Variants in MYH7B observed in about 807,000 individuals in gnomAD.
The protein encoded by MYH7B is myosin heavy chain 7B, also known as myosin-7B.
A neutral mutation model predicts 234.5 loss-of-function variants in MYH7B; 205 were observed. That is an observed-to-expected ratio of 0.87 (90% CI 0.78 to 0.98). MYH7B has a LOEUF of 0.98. Among genes scored for constraint, MYH7B ranks in the 50% least tolerant of loss-of-function variants. The pLI is 0.00. For missense variants in MYH7B, 2,652 were observed against 2,633.4 expected, an observed-to-expected ratio of 1.01 and a Z score of -0.15; for synonymous variants, 1,193 against 1,105.0, an observed-to-expected ratio of 1.08 and a Z score of -1.58.
intron 17 of MYH7B, 23 bp downstream of exon 17, chr20:34,987,698 C>G: frequency 1.2e-6 from 2 of 1,612,016 alleles, no homozygotes; most frequent in Non-Finnish European, 1.7e-6. Flanking sequence ...CAGGCCAAAC[C>G]CATGGGGGAC....
chr20:34,978,071 G>A lies in MYH7B; in HGVS notation c.66G>A (p.Thr22=), dbSNP rs192594274. 7.3e-5 allele frequency: 118 copies of A among 1,614,092 alleles called. No individual in the cohort carries two copies. The African/African-American group carries it at 8.4e-4, about 11-fold the overall frequency. The change falls in exon 5 of 45, where the codon ACG becomes ACA. Residue 22 remains threonine, a synonymous_variant. Transcript: ENST00000262873. ...TCCGCCAGGGCTACCAGGAGATGAC[G>A]AAGGTGCACACTATCCCATGGGACG...
chr20:34,996,771 G>A lies in MYH7B; in HGVS notation c.3266+13G>A, dbSNP rs751905425. 1.1e-5 allele frequency: 18 copies of A among 1,605,318 alleles called. No homozygotes were observed. The highest frequency in any genetic ancestry group is 1.4e-5 in the Non-Finnish European group (16 of 1,176,744). On this transcript the variant is annotated intron_variant, in intron 30 of 44. Coordinates refer to ENST00000262873, the Ensembl canonical transcript of MYH7B. The stretch of plus-strand genomic sequence containing the variant: ...AGAAGCTCAAGAAGTAGGTGTGGTG[G>A]GGCAGCAGGTGGGGGCCTTCTGAGC...
intron 37 of MYH7B, 29 bp from the exon 38 acceptor site, chr20:34,999,760 CCA>C (rs200141778): frequency 0.093 from 99,055 of 1,066,268 alleles, 433 homozygotes; most frequent in Middle Eastern, 0.12. Flanking sequence ...TCCCCCCCCC[CCA>C]CCCTACCCTG....
exon 20 of MYH7B, chr20:34,989,859 T>G (rs771366467): frequency 1.9e-6 from 3 of 1,614,126 alleles, no homozygotes; most frequent in Non-Finnish European, 2.5e-6. Flanking sequence ...TCCAGCAGCC[T>G]CGGCCTGACA....
chr20:34,975,600 C>T, intron 3 of MYH7B, 101 bp downstream of exon 3: 1 of 658,842 alleles, frequency 1.5e-6, no homozygotes, highest in Non-Finnish European at 2.8e-6. Flanking sequence ...AGACTGAAAA[C>T]AATCGAAATG....
chr20:34,958,116 G>A (rs1361862841), exon 2 of MYH7B, among the ~76,000 whole-genome samples: 2 of 152,192 alleles, frequency 1.3e-5, no homozygotes, highest in African/African-American at 4.8e-5. Context: ...CTTCCAAGAC[G>A]GGTGCCAAGT....
rs371405983 is a variant in MYH7B, at chr20:34,998,384, C to T, written c.3837C>T (p.Asp1279=). 58 of 1,613,386 alleles carry T rather than the reference C, an allele frequency of 3.6e-5. No homozygotes were observed. Among genetic ancestry groups the T allele is most frequent in the South Asian group, 7.7e-5 (7 of 91,070 alleles). The change falls in exon 33 of 45, where the codon GAC becomes GAT. Residue 1279 remains aspartate, a synonymous_variant. Transcript: ENST00000262873. ...AGGAGCTGCAGCGGCAGCTGGCGGA[C>T]GCAAGCACGCAGCGTGGGCGACTAC...
rs150947430 is a variant in MYH7B at position 34,963,933 on chromosome 20, G to A, written c.-222+5721G>A. On this transcript the variant is annotated intron_variant, in intron 2 of 44. Transcript: ENST00000262873. ...TTTATCCATGTTTTAAGGGGAAATAGTTCATTCATTTTCACTGCTCTATAG... is the reference window on the plus strand; with the variant it reads ...TTTATCCATGTTTTAAGGGGAAATAATTCATTCATTTTCACTGCTCTATAG... Among the ~76,000 whole-genome samples the A allele has an allele frequency of 1.7e-4, 26 of 152,288 alleles. No homozygotes were observed. In the East Asian group the frequency reaches 4.8e-3, roughly 28 times the overall value.
intron 30 of MYH7B, 44 bp from the exon 31 acceptor site, chr20:34,997,039 T>C (rs1220611941): frequency 6.8e-7 from 1 of 1,470,254 alleles, no homozygotes; most frequent in Non-Finnish European, 9.0e-7. Context: ...GGCGGGTGGG[T>C]GGGAGTTAAG....
exon 26 of MYH7B, chr20:34,993,384 G>A (rs1253178720): frequency 6.2e-7 from 1 of 1,613,772 alleles, no homozygotes; most frequent in Admixed American, 1.7e-5. Context: ...TCCGTGACCA[G>A]CGCCTGGCCA....
intron 2 of MYH7B, among the ~76,000 whole-genome samples, chr20:34,972,707 G>A (rs1041506641): frequency 6.6e-6 from 1 of 152,140 alleles, no homozygotes; most frequent in Non-Finnish European, 1.5e-5. Flanking sequence ...TCAGCTCACT[G>A]CAGTCTTGAA....
At chr20:34,984,597 C>T (rs1292168739) in intron 10 of MYH7B, 95 bp from the exon 11 acceptor site, 1 of 1,148,620 alleles carries the variant, frequency 8.7e-7, no homozygotes, top group South Asian at 1.3e-5. Context: ...ACCCCCCTGT[C>T]CTGCTGCCCG....
chr20:34,995,462 C>T (rs769306596), exon 28 of MYH7B: 1 of 1,613,844 alleles, frequency 6.2e-7, no homozygotes, highest in South Asian at 1.1e-5. Context: ...GAACGCTGAC[C>T]TGGCCGCCCG....
chr20:34,980,980 G>A (rs1437616783), intron 8 of MYH7B, 53 bp from the exon 9 acceptor site: 5 of 1,612,822 alleles, frequency 3.1e-6, no homozygotes, highest in Admixed American at 3.3e-5. Context: ...TGTTCCACCT[G>A]TGGCTGGCCC....
Position 34,993,097 on chromosome 20 carries a change from C to T in MYH7B, c.2184-5C>T. 6.2e-7 allele frequency: 1 copy of T among 1,610,828 alleles called. No homozygotes were observed. Among genetic ancestry groups the T allele is most frequent in the Non-Finnish European group, 8.5e-7 (1 of 1,177,678 alleles). On this transcript the variant is annotated splice_polypyrimidine_tract_variant and splice_region_variant and intron_variant, in intron 24 of 44. Transcript: ENST00000262873. ...CTCCTGACCAGCTCTGCCCTCCTTTCCCAGGTACCGTATCCTGAACCCCAG... is the reference window on the plus strand; with the variant it reads ...CTCCTGACCAGCTCTGCCCTCCTTTTCCAGGTACCGTATCCTGAACCCCAG...
At chr20:34,990,951 G>A (rs904308873) in intron 23 of MYH7B, 53 bp from the exon 24 acceptor site, 2 of 1,570,156 alleles carry the variant, frequency 1.3e-6, no homozygotes, top group Admixed American at 3.4e-5. Context: ...CTTTTTCTCT[G>A]GGGCCTGCGG....
chr20:34,987,015 T>G lies in MYH7B; in HGVS notation c.1008+26T>G, dbSNP rs368403370. 7 of 1,611,022 alleles carry G rather than the reference T, an allele frequency of 4.3e-6. No homozygotes were observed. The Admixed American group carries it at 1.2e-4, about 27-fold the overall frequency. Reference sequence around the variant, plus strand: ...GTATGAGCTCTGGTGGGAGGGGAGCTGTGTGGACGCCTGTGGTGGAATCGG... The same window carrying G: ...GTATGAGCTCTGGTGGGAGGGGAGCGGTGTGGACGCCTGTGGTGGAATCGG... On this transcript the variant is annotated intron_variant, in intron 15 of 44. Transcript: ENST00000262873.
exon 13 of MYH7B, chr20:34,985,087 T>A: frequency 1.9e-6 from 3 of 1,614,078 alleles, no homozygotes; most frequent in Non-Finnish European, 2.5e-6. Context: ...CCGCATTCAC[T>A]TTGGTCCCTC....
At chr20:34,997,119 G>A (rs1000057354) in exon 31 of MYH7B, 3 of 1,549,222 alleles carry the variant, frequency 1.9e-6, no homozygotes, top group South Asian at 1.2e-5. Context: ...GCCTGCGGGT[G>A]GAAGACGAGC....
Sources: gnomAD v4.1 joint callset for allele counts (sites outside exome capture counted in the v4.1 genomes callset) on GRCh38, gnomAD v4.1.1 for gene constraint, MANE v1.5 for transcripts, NCBI Gene and HGNC (gene_info 2026-07-23, HGNC 2026-07-21) for gene names.